Variants in BMPR1A observed in about 807,000 individuals in gnomAD.
BMPR1A encodes bone morphogenetic protein receptor type-1A.
A neutral mutation model predicts 66.0 loss-of-function variants in BMPR1A; 7 were observed. The ratio of observed to expected loss-of-function variants is 0.11; its 90% CI spans 0.06 to 0.20. BMPR1A has a LOEUF of 0.20. BMPR1A is among the 10% of genes least tolerant of loss of function. The probability of loss-of-function intolerance (pLI) is 1.00; values close to 1 mark genes in which losing one functional copy is unlikely to be tolerated. For synonymous variants in BMPR1A, 200 were observed against 229.7 expected (o/e 0.87, Z 1.17); for missense variants, 408 against 669.1 (o/e 0.61, Z 4.31).
intron 9 of BMPR1A, 105 bp from the exon 10 acceptor site, chr10:86,919,067 A>C: frequency 7.8e-7 from 1 of 1,280,434 alleles, no homozygotes; most frequent in African/African-American, 1.5e-5. Context: ...AAGTTTCACT[A>C]TCTGCACATG....
intron 1 of BMPR1A, among the ~76,000 whole-genome samples, chr10:86,771,433 G>A (rs1336251262): frequency 3.3e-5 from 5 of 152,116 alleles, no homozygotes; most frequent in Non-Finnish European, 5.9e-5. Context: ...ACTCTGAATC[G>A]ATTTAACCTT....
intron 1 of BMPR1A, among the ~76,000 whole-genome samples, chr10:86,774,074 C>T (rs1841307974): frequency 6.6e-6 from 1 of 152,038 alleles, no homozygotes; most frequent in Non-Finnish European, 1.5e-5. Flanking sequence ...TGGTCTCAAA[C>T]TCCTGACCTC....
chr10:86,848,849 C>T lies in BMPR1A; in HGVS notation c.-153+9870C>T, dbSNP rs111730775. Among the ~76,000 whole-genome samples the T allele has an allele frequency of 1.2e-4, 18 of 152,328 alleles. No individual in the cohort carries two copies. The East Asian group carries it at 1.3e-3, about 11-fold the overall frequency. On this transcript the variant is annotated intron_variant, in intron 2 of 12. Coordinates refer to ENST00000372037, the MANE Select transcript of BMPR1A (RefSeq NM_004329.3). ...TGGGAACCACCTATGACAACTGCAT[C>T]TCTGCTTTCTATCAGATCTAGAAGT...
At chr10:86,893,560 C>T (rs1230640446) in intron 5 of BMPR1A, among the ~76,000 whole-genome samples, 2 of 152,080 alleles carry the variant, frequency 1.3e-5, no homozygotes, top group African/African-American at 2.4e-5. Context: ...GAAGCCGAGG[C>T]GGGTGGATCA....
chr10:86,928,370 T>C (rs922389821), downstream of BMPR1A: 1 of 151,422 alleles, frequency 6.6e-6, no homozygotes, highest in Admixed American at 6.6e-5. Context: ...CTACAGGTGT[T>C]TGCCACCATG....
At chr10:86,848,513 G>A (rs886200660) in intron 2 of BMPR1A, among the ~76,000 whole-genome samples, 9 of 151,956 alleles carry the variant, frequency 5.9e-5, no homozygotes, top group African/African-American at 2.2e-4. Context: ...ATAATTTCAT[G>A]GGTCTTTTCA....
chr10:86,783,524 T>C (rs576173591), intron 1 of BMPR1A, among the ~76,000 whole-genome samples: 3 of 152,238 alleles, frequency 2.0e-5, no homozygotes, highest in Non-Finnish European at 4.4e-5. Context: ...TCCTCAGTTT[T>C]TTGTCATTTT....
At chr10:86,766,486 C>A (rs1841164248) in intron 1 of BMPR1A, among the ~76,000 whole-genome samples, 1 of 152,036 alleles carries the variant, frequency 6.6e-6, no homozygotes, top group Admixed American at 6.5e-5. Flanking sequence ...CTTAGAAATG[C>A]ATTTACTATA....
chr10:86,777,894 T>C (rs1841377662), intron 1 of BMPR1A, among the ~76,000 whole-genome samples: 1 of 151,582 alleles, frequency 6.6e-6, no homozygotes, highest in Non-Finnish European at 1.5e-5. Flanking sequence ...ATGCATGTAA[T>C]CTCATCTACC....
intron 2 of BMPR1A, among the ~76,000 whole-genome samples, chr10:86,848,053 T>A (rs997297640): frequency 6.6e-6 from 1 of 152,014 alleles, no homozygotes; most frequent in Non-Finnish European, 1.5e-5. Flanking sequence ...TGCCTCAGCC[T>A]CCCAAGTAGC....
At chr10:86,845,391 T>A (rs947169864) in intron 2 of BMPR1A, among the ~76,000 whole-genome samples, 5 of 152,188 alleles carry the variant, frequency 3.3e-5, no homozygotes, top group Non-Finnish European at 5.9e-5. Flanking sequence ...TCACCTGTTG[T>A]TAATTGAAGG....
chr10:86,905,673 G>A (rs551266279), intron 7 of BMPR1A, among the ~76,000 whole-genome samples: 3 of 151,864 alleles, frequency 2.0e-5, no homozygotes, highest in African/African-American at 4.8e-5. Context: ...ATAGTATCAC[G>A]GATGCATTTG....
chr10:86,813,481 C>T (rs970038540), intron 1 of BMPR1A, among the ~76,000 whole-genome samples: 1 of 152,138 alleles, frequency 6.6e-6, no homozygotes, highest in Non-Finnish European at 1.5e-5. Context: ...CTGGGAGGTA[C>T]TACCCTCGGA....
chr10:86,776,863 G>A (rs772032746), intron 1 of BMPR1A, among the ~76,000 whole-genome samples: 1 of 152,028 alleles, frequency 6.6e-6, no homozygotes, highest in Non-Finnish European at 1.5e-5. Context: ...TTGACTTCCT[G>A]CAAAGTTTCC....
chr10:86,811,706 G>C (rs1415271638), intron 1 of BMPR1A, among the ~76,000 whole-genome samples: 1 of 152,164 alleles, frequency 6.6e-6, no homozygotes, highest in African/African-American at 2.4e-5. Flanking sequence ...GTGTCTCTGT[G>C]ATATTATTTT....
At chr10:86,860,706 G>C (rs557083376) in intron 2 of BMPR1A, among the ~76,000 whole-genome samples, 1 of 150,146 alleles carries the variant, frequency 6.7e-6, no homozygotes, top group East Asian at 2.0e-4. Flanking sequence ...GGAGGCGGAG[G>C]TTGCAGTGAC....
intron 4 of BMPR1A, among the ~76,000 whole-genome samples, chr10:86,891,513 G>A (rs1272292870): frequency 6.6e-6 from 1 of 152,108 alleles, no homozygotes; most frequent in Non-Finnish European, 1.5e-5. Flanking sequence ...ACCTGTTAAA[G>A]TCTATATGAA....
At chr10:86,911,276 CTAAAATT>C (rs1843479984) in intron 7 of BMPR1A, among the ~76,000 whole-genome samples, 1 of 151,524 alleles carries the variant, frequency 6.6e-6, no homozygotes, top group African/African-American at 2.4e-5. Flanking sequence ...TTTGTCTACA[CTAAAATT>C]TAAAAACTGA....
rs552659259 is a variant in BMPR1A at position 86,803,850 on chromosome 10, CTGAT to C, written c.-267-35009_-267-35006del. On this transcript the variant is annotated intron_variant, in intron 1 of 12. Transcript: ENST00000372037. ...TGAAAAGTCTGCTAATATTCATTGACTGATTGATTTGATTTGGAGAGGACTACCA... is the reference window on the plus strand; with the variant it reads ...TGAAAAGTCTGCTAATATTCATTGACTGATTTGATTTGGAGAGGACTACCA... Among the ~76,000 whole-genome samples the C allele has an allele frequency of 1.3e-3, 191 of 152,236 alleles. 1 individual carries two copies. Among genetic ancestry groups the C allele is most frequent in the Middle Eastern group, 3.4e-3 (1 of 294 alleles).
Sources: gnomAD v4.1 joint callset for allele counts (sites outside exome capture counted in the v4.1 genomes callset) on GRCh38, gnomAD v4.1.1 for gene constraint, MANE v1.5 for transcripts, NCBI Gene and HGNC (gene_info 2026-07-23, HGNC 2026-07-21) for gene names.